Variants in ZRANB3 observed in about 807,000 individuals in gnomAD.
ZRANB3 encodes the protein zinc finger RANBP2-type containing 3.
In ZRANB3, 125 loss-of-function variants were observed where a neutral mutation model predicts 133.8. The observed-to-expected ratio is 0.93, with a 90% CI of 0.81 to 1.08. The LOEUF (loss-of-function observed/expected upper bound fraction) is 1.08, where lower values mean the gene tolerates loss of function less well. Ranked by LOEUF, ZRANB3 falls within the 50% of genes least tolerant of loss-of-function variation. The pLI, the probability that ZRANB3 is intolerant of heterozygous loss-of-function variation, is 0.00. For missense variants in ZRANB3, 1,229 were observed against 1,275.5 expected (o/e 0.96, Z 0.56); for synonymous variants, 387 against 432.7 (o/e 0.89, Z 1.31).
At chr2:135,206,746 GA>G (rs543440867) in intron 19 of ZRANB3, among the ~76,000 whole-genome samples, 20 of 150,224 alleles carry the variant, frequency 1.3e-4, no homozygotes, top group African/African-American at 4.4e-4. Flanking sequence ...GGGGAAGAGG[GA>G]GGGGGGAACA....
chr2:135,523,602 T>C (rs1026943548), intron 1 of ZRANB3, among the ~76,000 whole-genome samples: 32 of 152,236 alleles, frequency 2.1e-4, no homozygotes, highest in Non-Finnish European at 4.4e-5. Context: ...GTATTTTATG[T>C]ATTAAATCAT....
At chr2:135,324,692 C>G (rs1162294107) in intron 6 of ZRANB3, among the ~76,000 whole-genome samples, 2 of 152,170 alleles carry the variant, frequency 1.3e-5, no homozygotes, top group African/African-American at 2.4e-5. Context: ...GTTTACAGTC[C>G]CACCAACAGT....
At chr2:135,236,109 T>C (rs1016225311) in intron 12 of ZRANB3, among the ~76,000 whole-genome samples, 2 of 152,162 alleles carry the variant, frequency 1.3e-5, no homozygotes, top group African/African-American at 2.4e-5. Flanking sequence ...ACAAAATCAA[T>C]GTACAAAAAT....
chr2:135,223,182 C>G (rs1694621107), intron 15 of ZRANB3, among the ~76,000 whole-genome samples: 1 of 151,476 alleles, frequency 6.6e-6, no homozygotes, highest in Non-Finnish European at 1.5e-5. Context: ...ACCCAGGAGG[C>G]AGAGGTTGCA....
chr2:135,498,416 T>G (rs113334163), intron 2 of ZRANB3, among the ~76,000 whole-genome samples: 10,341 of 152,274 alleles, frequency 0.068, 725 homozygotes, highest in African/African-American at 0.18. Flanking sequence ...ACTTATCACT[T>G]CCCCAATCAA....
intron 1 of ZRANB3, among the ~76,000 whole-genome samples, chr2:135,525,096 T>A (rs1006817762): frequency 1.2e-4 from 19 of 152,048 alleles, no homozygotes; most frequent in African/African-American, 4.3e-4. Context: ...TTAAAAGATA[T>A]TTCAAAATGG....
chr2:135,496,633 T>A (rs925297024), intron 2 of ZRANB3, among the ~76,000 whole-genome samples: 1 of 152,024 alleles, frequency 6.6e-6, no homozygotes, highest in Non-Finnish European at 1.5e-5. Flanking sequence ...ACTACCAACA[T>A]AAGCAGGCAG....
intron 3 of ZRANB3, among the ~76,000 whole-genome samples, chr2:135,374,397 C>T (rs567603433): frequency 6.6e-6 from 1 of 152,026 alleles, no homozygotes; most frequent in South Asian, 2.1e-4. Context: ...CAGAGCAAGA[C>T]TACACTAAAC....
intron 1 of ZRANB3, among the ~76,000 whole-genome samples, chr2:135,530,208 C>CAAA (rs371430339): frequency 2.0e-5 from 2 of 102,558 alleles, no homozygotes; most frequent in African/African-American, 7.2e-5. Flanking sequence ...GACTCCGTCT[C>CAAA]AAAAAAAAAA....
chr2:135,388,095 T>C (rs983507905), intron 3 of ZRANB3, among the ~76,000 whole-genome samples: 6 of 152,180 alleles, frequency 3.9e-5, no homozygotes, highest in Admixed American at 6.5e-5. Flanking sequence ...TCCACAATCA[T>C]GGTGGAAGGC....
chr2:135,353,459 GTTT>G lies in ZRANB3; in HGVS notation c.347_349del (p.Lys116del). The G allele has an allele frequency of 6.3e-7, 1 of 1,587,352 alleles. No homozygotes were observed. Among genetic ancestry groups the G allele is most frequent in the Non-Finnish European group, 8.6e-7 (1 of 1,168,066 alleles). On this transcript the variant is annotated inframe_deletion, in exon 4 of 21. Transcript: ENST00000264159. Reference sequence around the variant, plus strand: ...AAACAGTTGTTCTTACCTAACATCAGTTTTATTCTGAATAACATTGATTTCTTC... The same window carrying G: ...AAACAGTTGTTCTTACCTAACATCAGTATTCTGAATAACATTGATTTCTTC...
At chr2:135,293,052 G>C (rs1573849070) in intron 8 of ZRANB3, among the ~76,000 whole-genome samples, 1 of 151,894 alleles carries the variant, frequency 6.6e-6, no homozygotes, top group Non-Finnish European at 1.5e-5. Context: ...TTGTTCTTTT[G>C]GCTTAGGATT....
chr2:135,210,032 C>T (rs1257601255), intron 17 of ZRANB3, among the ~76,000 whole-genome samples: 1 of 152,088 alleles, frequency 6.6e-6, no homozygotes, highest in Non-Finnish European at 1.5e-5. Context: ...CTCTCACTCC[C>T]ATCTTCCTTT....
chr2:135,475,307 G>T (rs181675498), intron 2 of ZRANB3, among the ~76,000 whole-genome samples: 46 of 152,314 alleles, frequency 3.0e-4, no homozygotes, highest in South Asian at 1.2e-3. Context: ...TTCACTGCTA[G>T]AGAGGAACCT....
intron 8 of ZRANB3, among the ~76,000 whole-genome samples, chr2:135,303,110 A>G (rs1682517505): frequency 3.3e-5 from 5 of 152,214 alleles, no homozygotes. Flanking sequence ...ACATGGGAAA[A>G]TGGAACAAGG....
intron 19 of ZRANB3, among the ~76,000 whole-genome samples, chr2:135,203,973 G>A (rs914062796): frequency 2.0e-5 from 3 of 152,120 alleles, no homozygotes; most frequent in Admixed American, 6.5e-5. Flanking sequence ...CTCACACCAC[G>A]GCAATGCAGT....
intron 3 of ZRANB3, among the ~76,000 whole-genome samples, chr2:135,366,225 T>C (rs1685931980): frequency 6.7e-6 from 1 of 149,066 alleles, no homozygotes; most frequent in African/African-American, 2.6e-5. Flanking sequence ...GATTCCCTAC[T>C]CAGATTCAGA....
At chr2:135,483,341 C>G (rs371781520) in intron 2 of ZRANB3, among the ~76,000 whole-genome samples, 10 of 152,154 alleles carry the variant, frequency 6.6e-5, no homozygotes, top group East Asian at 5.8e-4. Context: ...CTGGTCTAGT[C>G]TTGGGAGAGT....
chr2:135,358,658 G>T (rs557587463), intron 3 of ZRANB3, among the ~76,000 whole-genome samples: 3 of 152,150 alleles, frequency 2.0e-5, no homozygotes, highest in South Asian at 4.2e-4. Flanking sequence ...AGAAAAAAAA[G>T]TTTCTCAAGT....
Sources: gnomAD v4.1 joint callset for allele counts (sites outside exome capture counted in the v4.1 genomes callset) on GRCh38, gnomAD v4.1.1 for gene constraint, MANE v1.5 for transcripts, NCBI Gene and HGNC (gene_info 2026-07-23, HGNC 2026-07-21) for gene names.